The following FSIP1 variants were observed in gnomAD, a reference collection of about 807,000 sequenced individuals.
FSIP1 encodes the protein fibrous sheath-interacting protein 1.
In FSIP1, 65 loss-of-function variants were observed where a neutral mutation model predicts 60.9. The ratio of observed to expected loss-of-function variants is 1.07; its 90% CI spans 0.87 to 1.31. The LOEUF is 1.31. FSIP1 is among the 40% of genes most tolerant of loss of function. The pLI, the probability that FSIP1 is intolerant of heterozygous loss-of-function variation, is 0.00. For synonymous variants in FSIP1, 209 were observed against 221.2 expected (o/e 0.94, Z 0.49); for missense variants, 675 against 665.5 (o/e 1.01, Z -0.16).
chr15:39,617,210 A>T (rs949267067), intron 11 of FSIP1, among the ~76,000 whole-genome samples: 6 of 152,320 alleles, frequency 3.9e-5, no homozygotes, highest in Admixed American at 2.0e-4. Flanking sequence ...GTTTGTGTCG[A>T]AAACTAGTTA....
intron 10 of FSIP1, among the ~76,000 whole-genome samples, chr15:39,673,692 A>T (rs1283464671): frequency 1.3e-5 from 2 of 152,166 alleles, no homozygotes; most frequent in Non-Finnish European, 2.9e-5. Context: ...TATTTTATGC[A>T]TGTATTTGTA....
chr15:39,621,942 T>C (rs1011738452), intron 10 of FSIP1, among the ~76,000 whole-genome samples: 2 of 152,210 alleles, frequency 1.3e-5, no homozygotes, highest in Non-Finnish European at 2.9e-5. Flanking sequence ...GAGAATTGAA[T>C]GATTAGAGTG....
In FSIP1 at chr15:39,743,291, C is replaced by A. The variant is rs141444725; in HGVS notation, c.560-1391G>T. ...AAATTACTCTTGTGACCCTGTGGCT[C>A]TTTGCCCATCTTCCCAGTGGTATTC... On this transcript the variant is annotated intron_variant, in intron 5 of 11. Coordinates refer to ENST00000350221, the MANE Select transcript of FSIP1 (RefSeq NM_152597.5). Among the ~76,000 whole-genome samples, 77 of 152,302 alleles carry A rather than the reference C, an allele frequency of 5.1e-4. 1 individual carries two copies. The East Asian group carries it at 0.012, about 23-fold the overall frequency.
intron 1 of FSIP1, among the ~76,000 whole-genome samples, chr15:39,777,003 G>A (rs1220736006): frequency 2.0e-5 from 3 of 151,908 alleles, no homozygotes; most frequent in African/African-American, 7.3e-5. Context: ...TTGGCTCCCT[G>A]CAACCTCTGC....
chr15:39,726,463 G>T lies in FSIP1; in HGVS notation c.1050+126C>A, dbSNP rs528030101. 3.8e-3 allele frequency: 3,509 copies of T among 913,964 alleles called. 23 individuals are homozygous for T. Among genetic ancestry groups the T allele is most frequent in the Non-Finnish European group, 5.3e-3 (3,083 of 582,598 alleles). The allele number at this position is 913,964 out of a possible 1,614,324, so 56.6% of individuals were successfully genotyped here. On this transcript the variant is annotated intron_variant, in intron 9 of 11. Transcript: ENST00000350221. ...TGAGTAGAAAGTGGAAGTAACCAAAGGAATATACACACTGTTATGAAACTA... is the reference window on the plus strand; with the variant it reads ...TGAGTAGAAAGTGGAAGTAACCAAATGAATATACACACTGTTATGAAACTA...
intron 9 of FSIP1, among the ~76,000 whole-genome samples, chr15:39,724,181 C>T (rs1686060140): frequency 6.6e-6 from 1 of 151,832 alleles, no homozygotes. Flanking sequence ...TTTAAAATAT[C>T]TTATCTGAAC....
intron 10 of FSIP1, among the ~76,000 whole-genome samples, chr15:39,652,500 T>C (rs1210408830): frequency 6.6e-6 from 1 of 152,236 alleles, no homozygotes; most frequent in Non-Finnish European, 1.5e-5. Context: ...CTATAGATTT[T>C]GCACATTTCG....
At chr15:39,698,434 T>C (rs925949933) in intron 10 of FSIP1, among the ~76,000 whole-genome samples, 1 of 152,142 alleles carries the variant, frequency 6.6e-6, no homozygotes, top group African/African-American at 2.4e-5. Flanking sequence ...ATACTCAGTA[T>C]TCTCTTTAAA....
chr15:39,673,940 G>T (rs531263589), intron 10 of FSIP1, among the ~76,000 whole-genome samples: 5 of 151,892 alleles, frequency 3.3e-5, no homozygotes, highest in African/African-American at 1.2e-4. Flanking sequence ...GGAGAAAAAG[G>T]ATGTCATATA....
intron 10 of FSIP1, among the ~76,000 whole-genome samples, chr15:39,634,048 C>A (rs1304412400): frequency 6.6e-6 from 1 of 152,194 alleles, no homozygotes; most frequent in East Asian, 1.9e-4. Context: ...AAACGGACTC[C>A]CTGTGCTCCT....
At chr15:39,721,838 G>A (rs768976438) in intron 9 of FSIP1, among the ~76,000 whole-genome samples, 5 of 152,198 alleles carry the variant, frequency 3.3e-5, no homozygotes, top group Admixed American at 1.3e-4. Flanking sequence ...TTTTTCAAGA[G>A]AGAACTAGAA....
intron 10 of FSIP1, among the ~76,000 whole-genome samples, chr15:39,635,812 G>A (rs1892112064): frequency 1.3e-5 from 2 of 152,098 alleles, no homozygotes; most frequent in South Asian, 2.1e-4. Flanking sequence ...TGATGGTAAG[G>A]TGCTGCTGCT....
chr15:39,617,655 C>T, intron 11 of FSIP1, 80 bp downstream of exon 11: 3 of 1,236,662 alleles, frequency 2.4e-6, no homozygotes, highest in Non-Finnish European at 3.4e-6. Flanking sequence ...TCTTACCCGA[C>T]TCTAATTTAA....
chr15:39,616,951 C>G (rs1001919424), intron 11 of FSIP1, among the ~76,000 whole-genome samples: 2 of 152,036 alleles, frequency 1.3e-5, no homozygotes, highest in Non-Finnish European at 2.9e-5. Context: ...AAGTGGGAAG[C>G]AAGAAAGAGA....
At chr15:39,771,139 A>C (rs767030497) in intron 2 of FSIP1, among the ~76,000 whole-genome samples, 2 of 152,208 alleles carry the variant, frequency 1.3e-5, no homozygotes, top group Non-Finnish European at 2.9e-5. Flanking sequence ...TCATTTTGAA[A>C]ACACCAATTG....
intron 4 of FSIP1, among the ~76,000 whole-genome samples, chr15:39,765,391 C>T (rs963995665): frequency 2.6e-5 from 4 of 151,980 alleles, no homozygotes; most frequent in Admixed American, 2.6e-4. Context: ...CAAGCACGTA[C>T]TACCATGCCT....
intron 10 of FSIP1, among the ~76,000 whole-genome samples, chr15:39,619,623 T>C (rs1368507918): frequency 1.3e-5 from 2 of 152,208 alleles, no homozygotes; most frequent in African/African-American, 4.8e-5. Flanking sequence ...ATTTTATCCA[T>C]CTGTATCCAG....
At chr15:39,632,229 G>A (rs1015397865) in intron 10 of FSIP1, among the ~76,000 whole-genome samples, 15 of 152,146 alleles carry the variant, frequency 9.9e-5, no homozygotes, top group African/African-American at 3.6e-4. Flanking sequence ...CCAGGCTGGA[G>A]TGCAGTGGCT....
At chr15:39,646,705 TA>T (rs36049904) in intron 10 of FSIP1, among the ~76,000 whole-genome samples, 28,678 of 137,726 alleles carry the variant, frequency 0.21, 3,343 homozygotes, top group African/African-American at 0.34. Context: ...CACTGTCTCT[TA>T]AAAAAAAAAA....
Sources: allele counts gnomAD v4.1 joint callset (sites outside exome capture counted in the v4.1 genomes callset), GRCh38; gene constraint gnomAD v4.1.1; transcripts MANE v1.5; gene names NCBI Gene and HGNC (gene_info 2026-07-23, HGNC 2026-07-21).